PCDHGA4: variants seen among roughly 807,000 people sequenced by gnomAD.
PCDHGA4 encodes protocadherin gamma subfamily A, 4, also known as protocadherin gamma-A4.
A neutral mutation model predicts 54.6 loss-of-function variants in PCDHGA4; 38 were observed. The ratio of observed to expected loss-of-function variants is 0.70; its 90% confidence interval spans 0.54 to 0.91. The LOEUF is 0.91. PCDHGA4 is among the 40% of genes least tolerant of loss of function. The pLI is 0.00. For missense variants in PCDHGA4, 1,298 were observed against 1,220.9 expected, an observed-to-expected ratio of 1.06 and a Z score of -0.94; for synonymous variants, 511 against 512.9, an observed-to-expected ratio of 1.00 and a Z score of 0.05.
chr5:141,394,239 G>T (rs530540432), intron 1 of PCDHGA4: 1 of 1,613,750 alleles, frequency 6.2e-7, no homozygotes, highest in Non-Finnish European at 8.5e-7. Flanking sequence ...TTCCTTGACT[G>T]CACACGACCC....
In PCDHGA4 at chr5:141,403,922, G is replaced by A. The variant is rs770450211; in HGVS notation, c.2514+46301G>A. ...TGAAATGGAAATACAAGCTGAAGAT[G>A]GTGGGGGATTGAAAGGGTGGACAAA... On this transcript the variant is annotated intron_variant, in intron 1 of 3. Transcript: ENST00000571252. 6.2e-6 allele frequency: 10 copies of A among 1,613,904 alleles called. No individual in the cohort carries two copies. The East Asian group carries it at 2.2e-4, about 36-fold the overall frequency.
chr5:141,367,972 C>T (rs1765427011), intron 1 of PCDHGA4, among the ~76,000 whole-genome samples: 1 of 152,084 alleles, frequency 6.6e-6, no homozygotes, highest in Non-Finnish European at 1.5e-5. Context: ...CGTATGTGCT[C>T]ATCTTAAATT....
rs762398968 is a variant in PCDHGA4 at position 141,357,089 on chromosome 5, G to T, written c.1982G>T (p.Arg661Leu). The T allele has an allele frequency of 2.5e-6, 4 of 1,613,760 alleles. No homozygotes were observed. Among genetic ancestry groups the T allele is most frequent in the Admixed American group, 3.3e-5 (2 of 60,010 alleles). ...GLHTGEVRTA[R>L]ALLDRDALKQ... ...CACACAGGCGAGGTGCGCACCGCAC[G>T]GGCCCTGCTGGACAGAGACGCGCTC... is the stretch of plus-strand genomic sequence containing the variant. The change falls in exon 1 of 4, where the codon CGG (arginine) becomes CTG (leucine). Residue 661 changes from arginine to leucine, a missense_variant. Physicochemically the swap from Arg to Leu is moderately radical, Grantham distance 102 (BLOSUM62 -2). Coordinates refer to ENST00000571252, the MANE Select transcript of PCDHGA4 (RefSeq NM_018917.4).
intron 1 of PCDHGA4, chr5:141,410,578 T>A (rs1432039651): frequency 6.2e-7 from 1 of 1,610,984 alleles, no homozygotes; most frequent in African/African-American, 1.3e-5. Context: ...TTCCACCTCA[T>A]GGTGGGGAGG....
chr5:141,404,109 TCCAGGAGAATCTATCTTTTA>T, intron 1 of PCDHGA4: 1 of 1,613,518 alleles, frequency 6.2e-7, no homozygotes, highest in East Asian at 2.2e-5. Flanking sequence ...GTCTGTTCTA[TCCAGGAGAATCTATCTTTTA>T]CATTAGAAAA....
intron 1 of PCDHGA4, chr5:141,423,928 G>C: frequency 8.1e-7 from 1 of 1,236,850 alleles, no homozygotes; most frequent in Non-Finnish European, 1.0e-6. Flanking sequence ...ATGCTGGTTT[G>C]GTTTGAAGTA....
intron 1 of PCDHGA4, among the ~76,000 whole-genome samples, chr5:141,465,422 G>T (rs74711061): frequency 6.6e-6 from 1 of 152,142 alleles, no homozygotes; most frequent in Non-Finnish European, 1.5e-5. Context: ...AGCACTGAAA[G>T]GTGGGCACTT....
At position 141,437,148 on chromosome 5, in the gene PCDHGA4, A is replaced by T. The variant is rs1196014608; in HGVS notation, c.2515-57659A>T. ...GTTGATAATTTAGGATTCATAATTA[A>T]CATATGTGTTGATTGTTTTCTGAGA... is the stretch of plus-strand genomic sequence containing the variant. On this transcript the variant is annotated intron_variant, in intron 1 of 3. Coordinates refer to ENST00000571252, the MANE Select transcript of PCDHGA4 (RefSeq NM_018917.4). Among the ~76,000 whole-genome samples the T allele has an allele frequency of 2.0e-5, 3 of 152,214 alleles. No individual in the cohort carries two copies. In the East Asian group the frequency reaches 5.8e-4, roughly 29 times the overall value.
intron 1 of PCDHGA4, among the ~76,000 whole-genome samples, chr5:141,438,002 A>G (rs200179547): frequency 1.3e-5 from 2 of 152,072 alleles, no homozygotes; most frequent in East Asian, 1.9e-4. Flanking sequence ...CAGCCTCCCA[A>G]ATAGCTGAGA....
intron 1 of PCDHGA4, among the ~76,000 whole-genome samples, chr5:141,381,246 A>G (rs2150176708): frequency 6.6e-6 from 1 of 152,374 alleles, no homozygotes; most frequent in Non-Finnish European, 1.5e-5. Context: ...TCCAGGACCT[A>G]GAAGAATTTA....
At chr5:141,505,336 G>T in intron 2 of PCDHGA4, 57 bp from the exon 3 acceptor site, 2 of 1,611,372 alleles carry the variant, frequency 1.2e-6, no homozygotes, top group Non-Finnish European at 1.7e-6. Context: ...GAGGACAGGA[G>T]GGGCATGAGC....
At chr5:141,389,142 G>A (rs72790030) in intron 1 of PCDHGA4, 42,481 of 1,613,950 alleles carry the variant, frequency 0.026, 745 homozygotes, top group East Asian at 0.04. Flanking sequence ...CAATATAACC[G>A]TTACGGCAAC....
intron 1 of PCDHGA4, chr5:141,422,556 G>A: frequency 6.2e-7 from 1 of 1,613,908 alleles, no homozygotes; most frequent in Non-Finnish European, 8.5e-7. Flanking sequence ...GGCTGAATGT[G>A]GCAGATGACA....
chr5:141,356,834 A>G lies in PCDHGA4; in HGVS notation c.1727A>G (p.Asn576Ser), dbSNP rs1052476290. Reference sequence around the variant, plus strand: ...AGTGGAGACCCTCCACTCAGCAGCAATGTGTCACTGAGCCTCTTTGTGCTG... The same window carrying G: ...AGTGGAGACCCTCCACTCAGCAGCAGTGTGTCACTGAGCCTCTTTGTGCTG... ...SDSGDPPLSS[N>S]VSLSLFVLDQ... The change falls in exon 1 of 4, where the codon AAT becomes AGT. Residue 576 changes from asparagine (N) to serine (S), a missense_variant. Transcript: ENST00000571252. The G allele has an allele frequency of 5.0e-6, 8 of 1,614,166 alleles. No individual in the cohort carries two copies. The highest frequency in any genetic ancestry group is 5.9e-6 in the Non-Finnish European group (7 of 1,180,004).
At position 141,355,805 on chromosome 5, in the gene PCDHGA4, G is replaced by A. The variant is rs571571659; in HGVS notation, c.698G>A (p.Arg233His). The A allele has an allele frequency of 6.2e-7, 1 of 1,613,322 alleles. No individual in the cohort carries two copies. The highest frequency in any genetic ancestry group is 8.5e-7 in the Non-Finnish European group (1 of 1,179,576). The change falls in exon 1 of 4, where the codon CGC becomes CAC. Residue 233 changes from arginine (R) to histidine (H), a missense_variant. Coordinates refer to ENST00000571252, the MANE Select transcript of PCDHGA4 (RefSeq NM_018917.4). ...PELVLERALD[R>H]EEEAVHHLVL... ...CTGGTGCTGGAACGCGCTCTAGATC[G>A]CGAGGAAGAGGCGGTTCACCACCTC...
At position 141,356,300 on chromosome 5, in the gene PCDHGA4, C is replaced by A. The variant is rs1390154856; in HGVS notation, c.1193C>A (p.Ala398Glu). Residue 398 changes from alanine to glutamate, a missense_variant, in exon 1 of 4, where the codon GCA becomes GAA. By Grantham distance (107) the Ala-to-Glu change is moderately radical (BLOSUM62 -1). Transcript: ENST00000571252. ...TCTTCTTCCCCGGGTACAGTAATTG[C>A]ACTTTTCAACGTGCATGACAGTGAC... ...QESSSPGTVI[A>E]LFNVHDSDSG... 6.4e-7 allele frequency: 1 copy of A among 1,554,478 alleles called. No individual in the cohort carries two copies. Among genetic ancestry groups the A allele is most frequent in the Admixed American group, 2.0e-5 (1 of 51,146 alleles).
rs181587578 is a variant in PCDHGA4, at chr5:141,366,566, G to T, written c.2514+8945G>T. 1.9e-6 allele frequency: 3 copies of T among 1,614,254 alleles called. No homozygotes were observed. The East Asian group carries it at 6.7e-5, about 36-fold the overall frequency. ...CTCGCACTTTGTGGGCGTGGATGGG[G>T]TTCGGGCTTTCCTGCAGACCTATTC... On this transcript the variant is annotated intron_variant, in intron 1 of 3. Coordinates refer to ENST00000571252, the MANE Select transcript of PCDHGA4 (RefSeq NM_018917.4).
At chr5:141,357,718 G>T in intron 1 of PCDHGA4, 97 bp downstream of exon 1, 1 of 1,437,468 alleles carries the variant, frequency 7.0e-7, no homozygotes, top group Middle Eastern at 1.8e-4. Context: ...AAATAAAGTT[G>T]CCTCTTTTAA....
At chr5:141,401,657 G>T (rs1398256315) in intron 1 of PCDHGA4, among the ~76,000 whole-genome samples, 3 of 152,204 alleles carry the variant, frequency 2.0e-5, no homozygotes, top group Non-Finnish European at 4.4e-5. Context: ...ATGACTGGAT[G>T]TTTTCTCAAC....
Sources: allele counts gnomAD v4.1 joint callset (sites outside exome capture counted in the v4.1 genomes callset), GRCh38; gene constraint gnomAD v4.1.1; transcripts MANE v1.5; gene names NCBI Gene and HGNC (gene_info 2026-07-23, HGNC 2026-07-21).